DLK2: variants seen among roughly 807,000 people sequenced by gnomAD.
DLK2 encodes the protein delta like non-canonical Notch ligand 2.
In DLK2, 9 loss-of-function variants were observed where a neutral mutation model predicts 31.3. That is an observed-to-expected ratio of 0.29 (90% CI 0.17 to 0.50). The LOEUF is 0.50. Among genes scored for constraint, DLK2 ranks in the 20% least tolerant of loss-of-function variants. The pLI is 0.98. For synonymous variants in DLK2, 169 were observed against 201.2 expected, an observed-to-expected ratio of 0.84 and a Z score of 1.35; for missense variants, 387 against 526.1, an observed-to-expected ratio of 0.74 and a Z score of 2.59.
At position 43,450,696 on chromosome 6, in the gene DLK2, C is replaced by G. The variant is rs865806253; in HGVS notation, c.995G>C (p.Trp332Ser). 6.2e-7 allele frequency: 1 copy of G among 1,614,024 alleles called. No individual in the cohort carries two copies. Among genetic ancestry groups the G allele is most frequent in the Admixed American group, 1.7e-5 (1 of 60,032 alleles). The change falls in exon 6 of 6, where the codon TGG (tryptophan) becomes TCG (serine). Residue 332 changes from tryptophan (W) to serine (S), a missense_variant. Physicochemically the swap from Trp to Ser is radical, Grantham distance 177 (BLOSUM62 -3). Transcript: ENST00000372488. This position sits in a 1 kb window ranked among gnomAD's most constrained non-coding sequence, Gnocchi z 4.5. Reference protein sequence around the residue: ...LATVLLTLRAWRRGVCPPGPC... With the variant: ...LATVLLTLRASRRGVCPPGPC... ...TCCAGGGGGGCAGACACCCCGGCGC[C>G]AGGCCCTCAGGGTCAGCAACACAGT...
chr6:43,455,743 A>T (rs1783963821), upstream of DLK2, among the ~76,000 whole-genome samples: 2 of 150,984 alleles, frequency 1.3e-5, no homozygotes, highest in Non-Finnish European at 3.0e-5. Flanking sequence ...CTTCCAAGAG[A>T]GGAGGAAATC....
chr6:43,452,717 A>AAC (rs111814460), intron 4 of DLK2, among the ~76,000 whole-genome samples: 3,544 of 151,634 alleles, frequency 0.023, 137 homozygotes, highest in East Asian at 0.17. Context: ...ATCTCAAAAC[A>AAC]AAACAAACAA....
rs1388886978 is a variant in DLK2, at chr6:43,450,861, G to T, written c.830C>A (p.Pro277Gln). ...TSAVVVPATG[P>Q]APHSAGAGLL... ...ACCAGCCCCTGCGCTGTGGGGGGCT[G>T]GCCCCGTGGCAGGTACCACTACAGC... The change falls in exon 6 of 6, where the codon CCA (proline) becomes CAA (glutamine). Residue 277 changes from proline (P) to glutamine (Q), a missense_variant. Pro to Gln is a moderately conservative substitution (Grantham distance 76, BLOSUM62 -1). Transcript: ENST00000372488. This position sits in a 1 kb window ranked among gnomAD's most constrained non-coding sequence, Gnocchi z 4.5. 1 of 1,614,182 alleles carries T rather than the reference G, an allele frequency of 6.2e-7. No homozygotes were observed. Among genetic ancestry groups the T allele is most frequent in the Non-Finnish European group, 8.5e-7 (1 of 1,180,008 alleles).
At chr6:43,455,747 GGAAATCTTA>G (rs1468893130), upstream of DLK2, among the ~76,000 whole-genome samples, 1 of 151,566 alleles carries the variant, frequency 6.6e-6, no homozygotes, top group Admixed American at 6.6e-5. Context: ...CAAGAGAGGA[GGAAATCTTA>G]GGAGTCTCAA....
chr6:43,450,789 C>A lies in DLK2; in HGVS notation c.902G>T (p.Gly301Val). ...VKEVVRRQEA[G>V]LGEPSLVALV... ...GGCCACCAAGCTAGGCTCACCTAGCCCAGCCTCTTGCCTCCGCACCACCTC... is the reference window on the plus strand; with the variant it reads ...GGCCACCAAGCTAGGCTCACCTAGCACAGCCTCTTGCCTCCGCACCACCTC... Residue 301 changes from glycine (G) to valine (V), a missense_variant, in exon 6 of 6, where the codon GGG (glycine) becomes GTG (valine). Gly to Val is a moderately radical substitution (Grantham distance 109). Transcript: ENST00000372488. This position sits in a 1 kb window ranked among gnomAD's most constrained non-coding sequence, Gnocchi z 4.5. 6.2e-7 allele frequency: 1 copy of A among 1,614,226 alleles called. No homozygotes were observed. Among genetic ancestry groups the A allele is most frequent in the Admixed American group, 1.7e-5 (1 of 60,034 alleles).
intron 1 of DLK2, chr6:43,455,182 G>A (rs1783927552): frequency 2.6e-6 from 2 of 758,828 alleles, no homozygotes; most frequent in East Asian, 1.3e-4. Context: ...GATGGGGACA[G>A]CGCCGAGAGG....
chr6:43,451,892 C>G lies in DLK2; in HGVS notation c.416+48G>C. The G allele has an allele frequency of 6.2e-7, 1 of 1,608,680 alleles. No homozygotes were observed. The highest frequency in any genetic ancestry group is 8.5e-7 in the Non-Finnish European group (1 of 1,177,736). The stretch of plus-strand genomic sequence containing the variant: ...TCCTGCCTCTTTTCTCATCCCATCA[C>G]CAGGTTCTGGTCTAACCTTCCACTC... On this transcript the variant is annotated intron_variant, in intron 5 of 5. Coordinates refer to ENST00000372488, the MANE Select transcript of DLK2 (RefSeq NM_023932.4). The surrounding 1 kb of genome is among the most constrained non-coding windows in gnomAD (Gnocchi z 4.4).
chr6:43,452,710 TCAAAA>T (rs1330453089), intron 4 of DLK2, among the ~76,000 whole-genome samples: 1 of 128,412 alleles, frequency 7.8e-6, no homozygotes, highest in Non-Finnish European at 1.6e-5. Flanking sequence ...AGACTCCATC[TCAAAA>T]CAAAACAAAC....
At chr6:43,454,558 C>T in intron 2 of DLK2, 84 bp from the exon 3 acceptor site, 1 of 1,430,806 alleles carries the variant, frequency 7.0e-7, no homozygotes, top group South Asian at 1.3e-5. Context: ...GATTGGGGTT[C>T]CAGTAACTGA....
At chr6:43,455,986 C>T (rs1783971614), upstream of DLK2, 1 of 153,288 alleles carries the variant, frequency 6.5e-6, no homozygotes. Context: ...GCCTTCATCA[C>T]CTGCTTCATC....
In DLK2 at chr6:43,453,149, G is replaced by A. The variant is rs1041915888; in HGVS notation, c.141-14C>T. The A allele has an allele frequency of 6.3e-7, 1 of 1,591,076 alleles. No individual in the cohort carries two copies. The highest frequency in any genetic ancestry group is 2.3e-5 in the East Asian group (1 of 44,302). On this transcript the variant is annotated splice_polypyrimidine_tract_variant and intron_variant, in intron 3 of 5. Coordinates refer to ENST00000372488, the MANE Select transcript of DLK2 (RefSeq NM_023932.4). The surrounding 1 kb of genome is among the most constrained non-coding windows in gnomAD (Gnocchi z 4.1). ...CCCGGGTCACACCTGACGGGGAGAA[G>A]CACAGGGTCAGGGCTCTGGGTCATG... is the stretch of plus-strand genomic sequence containing the variant.
intron 4 of DLK2, 51 bp downstream of exon 4, chr6:43,452,954 C>T: frequency 1.2e-6 from 2 of 1,609,280 alleles, no homozygotes; most frequent in Non-Finnish European, 1.7e-6. Context: ...GATGGCTGTT[C>T]CCCTAAGAAC....
chr6:43,450,587 G>A lies in DLK2; in HGVS notation c.1104C>T (p.Pro368=), dbSNP rs747244019. 2 of 1,588,524 alleles carry A rather than the reference G, an allele frequency of 1.3e-6. No homozygotes were observed. The highest frequency in any genetic ancestry group is 3.4e-5 in the Admixed American group (2 of 58,562). ...GCTCAGGGGGCAAGTCACGTGGCAGGGGGAGCCCTGCTGGCAGCATGCTAA... is the reference window on the plus strand; with the variant it reads ...GCTCAGGGGGCAAGTCACGTGGCAGAGGGAGCCCTGCTGGCAGCATGCTAA... The part of the protein sequence containing the change: ...CQVSMLPAGL[P]LPRDLPPEPG... The change falls in exon 6 of 6, where the codon CCC becomes CCT. Residue 368 remains proline (P), a synonymous_variant. Coordinates refer to ENST00000372488, the MANE Select transcript of DLK2 (RefSeq NM_023932.4). The surrounding 1 kb of genome is among the most constrained non-coding windows in gnomAD (Gnocchi z 4.5).
Position 43,450,479 on chromosome 6 carries a change from ACCAC to A in DLK2, c.*56_*59del, listed in dbSNP as rs1431498319. On this transcript the variant is annotated 3_prime_UTR_variant, in exon 6 of 6. Transcript: ENST00000372488. The surrounding 1 kb of genome is among the most constrained non-coding windows in gnomAD (Gnocchi z 4.5). ...CCAAGCTGAAGGGTGGTGAGAACGGACCACTCCAGTCTGAGGGGTGGAAGAGGTG... is the reference window on the plus strand; with the variant it reads ...CCAAGCTGAAGGGTGGTGAGAACGGATCCAGTCTGAGGGGTGGAAGAGGTG... 6.6e-7 allele frequency: 1 copy of A among 1,508,362 alleles called. No individual in the cohort carries two copies. Among genetic ancestry groups the A allele is most frequent in the Non-Finnish European group, 8.9e-7 (1 of 1,129,444 alleles). The allele number at this position is 1,508,362 out of a possible 1,614,324, so 93.4% of individuals were successfully genotyped here. A position where few individuals can be genotyped will look rare whatever the true frequency, so the allele number is the denominator to read the frequency against.
At chr6:43,452,790 T>G (rs760930025) in intron 4 of DLK2, among the ~76,000 whole-genome samples, 1 of 152,158 alleles carries the variant, frequency 6.6e-6, no homozygotes. Context: ...ATCTGTAAAA[T>G]GAGTACAATT....
chr6:43,450,551 G>C lies in DLK2; in HGVS notation c.1140C>G (p.Thr380=). 9 of 1,563,326 alleles carry C rather than the reference G, an allele frequency of 5.8e-6. No individual in the cohort carries two copies. Among genetic ancestry groups the C allele is most frequent in the Middle Eastern group, 3.5e-4 (2 of 5,762 alleles). Residue 380 remains threonine (T), a synonymous_variant, in exon 6 of 6, where the codon ACC becomes ACG. Transcript: ENST00000372488. This position sits in a 1 kb window ranked among gnomAD's most constrained non-coding sequence, Gnocchi z 4.5. ...GCCCCCACCTCCATCACAGTGCTGT[G>C]GTCTTTCCAGGCTCAGGGGGCAAGT... is the stretch of plus-strand genomic sequence containing the variant. ...PRDLPPEPGK[T]TAL
chr6:43,451,298 A>C lies in DLK2; in HGVS notation c.417-24T>G, dbSNP rs763361670. On this transcript the variant is annotated intron_variant, in intron 5 of 5. Transcript: ENST00000372488. The surrounding 1 kb of genome is among the most constrained non-coding windows in gnomAD (Gnocchi z 4.4). ...AGCTGTGGTAGGGGTGAGAGAGGAC[A>C]TGATAACCAACTTACCAACACCTGT... is the stretch of plus-strand genomic sequence containing the variant. 6.2e-7 allele frequency: 1 copy of C among 1,605,396 alleles called. No individual in the cohort carries two copies. Among genetic ancestry groups the C allele is most frequent in the South Asian group, 1.1e-5 (1 of 89,644 alleles).
At position 43,451,203 on chromosome 6, in the gene DLK2, A is replaced by G. The variant is rs1783712016; in HGVS notation, c.488T>C (p.Leu163Ser). ...GFALNFTCRC[L>S]VGFVGARCEV... The stretch of plus-strand genomic sequence containing the variant: ...ACAGCGGGCACCCACAAAGCCCACC[A>G]AGCAGCGGCACGTGAAGTTGAGAGC... Residue 163 changes from leucine (L) to serine (S), a missense_variant, in exon 6 of 6, where the codon TTG becomes TCG. Physicochemically the swap from Leu to Ser is moderately radical, Grantham distance 145. Coordinates refer to ENST00000372488, the MANE Select transcript of DLK2 (RefSeq NM_023932.4). The surrounding 1 kb of genome is among the most constrained non-coding windows in gnomAD (Gnocchi z 4.4). The G allele has an allele frequency of 6.2e-7, 1 of 1,614,096 alleles. No homozygotes were observed. Among genetic ancestry groups the G allele is most frequent in the Non-Finnish European group, 8.5e-7 (1 of 1,180,046 alleles).
intron 1 of DLK2, chr6:43,455,101 G>A: frequency 1.0e-6 from 1 of 985,122 alleles, no homozygotes; most frequent in Non-Finnish European, 1.2e-6. Flanking sequence ...GGAAAGATGG[G>A]CATCGCGGAG....
Sources: allele counts gnomAD v4.1 joint callset (sites outside exome capture counted in the v4.1 genomes callset), GRCh38; gene constraint gnomAD v4.1.1; non-coding constraint Gnocchi (gnomAD v3.1); transcripts MANE v1.5; gene names NCBI Gene and HGNC (gene_info 2026-07-23, HGNC 2026-07-21).